The following DOCK5 variants were observed in gnomAD, a reference collection of about 807,000 sequenced individuals.
The protein encoded by DOCK5 is dedicator of cytokinesis 5, also known as dedicator of cytokinesis protein 5.
A neutral mutation model predicts 251.8 loss-of-function variants in DOCK5; 142 were observed. The ratio of observed to expected loss-of-function variants is 0.56; its 90% confidence interval spans 0.49 to 0.65. DOCK5 has a LOEUF of 0.65. Ranked by LOEUF, DOCK5 falls within the 30% of genes least tolerant of loss-of-function variation. The pLI is 0.00. For synonymous variants in DOCK5, 842 were observed against 835.5 expected, an observed-to-expected ratio of 1.01 and a Z score of -0.13; for missense variants, 2,111 against 2,312.3, an observed-to-expected ratio of 0.91 and a Z score of 1.79.
intron 1 of DOCK5, among the ~76,000 whole-genome samples, chr8:25,209,246 G>A (rs1420099737): frequency 4.4e-5 from 1 of 22,518 alleles, no homozygotes; most frequent in African/African-American, 7.0e-5. Context: ...GTTAGGAAGG[G>A]GAAAGTCATG....
intron 5 of DOCK5, among the ~76,000 whole-genome samples, chr8:25,285,760 C>T (rs1804316613): frequency 6.6e-6 from 1 of 152,184 alleles, no homozygotes; most frequent in Admixed American, 6.5e-5. Context: ...TTGAAACCAG[C>T]ATCTTATTCC....
chr8:25,263,217 C>T (rs1282793851), intron 2 of DOCK5, among the ~76,000 whole-genome samples: 1 of 61,512 alleles, frequency 1.6e-5, no homozygotes, highest in African/African-American at 6.6e-5. Flanking sequence ...GACCGTCTGT[C>T]CTCCTCCCTT....
At chr8:25,191,380 C>T (rs995875715) in intron 1 of DOCK5, among the ~76,000 whole-genome samples, 3 of 152,170 alleles carry the variant, frequency 2.0e-5, no homozygotes, top group Admixed American at 1.3e-4. Context: ...AACAAAGCCA[C>T]GCTTCCAAGT....
At position 25,410,158 on chromosome 8, in the gene DOCK5, C is replaced by G. The variant is rs748664904; in HGVS notation, c.5464C>G (p.Pro1822Ala). 1 of 1,613,700 alleles carries G rather than the reference C, an allele frequency of 6.2e-7. No homozygotes were observed. The highest frequency in any genetic ancestry group is 8.5e-7 in the Non-Finnish European group (1 of 1,179,822). ...CACTCCTGTCCCACCTCCACCTCCC[C>G]CCAAAAGCAAGCCCTATGAAGGCAG... is the stretch of plus-strand genomic sequence containing the variant. ...AATPVPPPPP[P>A]KSKPYEGSQR... Residue 1822 changes from proline to alanine, a missense_variant, in exon 51 of 52, where the codon CCC becomes GCC. Transcript: ENST00000276440.
At chr8:25,261,835 A>T (rs1277592291) in intron 2 of DOCK5, among the ~76,000 whole-genome samples, 1 of 152,188 alleles carries the variant, frequency 6.6e-6, no homozygotes, top group Non-Finnish European at 1.5e-5. Context: ...CTGTGAGTCA[A>T]CTTCATATCA....
At chr8:25,287,423 T>A (rs1804365266) in intron 5 of DOCK5, among the ~76,000 whole-genome samples, 1 of 148,424 alleles carries the variant, frequency 6.7e-6, no homozygotes, top group African/African-American at 2.5e-5. Context: ...GAGACTCCAT[T>A]AAAAAAAAAA....
rs1201632677 is a variant in DOCK5 at position 25,342,691 on chromosome 8, G to GTTTTTTTTTTTTTTTTTTTTTT, written c.2617+188_2617+209dup. Among the ~76,000 whole-genome samples, 15 of 72,070 alleles carry GTTTTTTTTTTTTTTTTTTTTTT rather than the reference G, an allele frequency of 2.1e-4. 2 individuals are homozygous for GTTTTTTTTTTTTTTTTTTTTTT. Among genetic ancestry groups the GTTTTTTTTTTTTTTTTTTTTTT allele is most frequent in the Admixed American group, 4.5e-4 (2 of 4,492 alleles). 47.3% of individuals were successfully genotyped at this position (72,070 alleles called of 152,430 possible). The stretch of plus-strand genomic sequence containing the variant: ...TTTTGTTGTTTGTTTGTTTTTTCTT[G>GTTTTTTTTTTTTTTTTTTTTTT]TTTTTTTTTTTTTTTTTTTTTTTTT... On this transcript the variant is annotated intron_variant, in intron 25 of 51. Coordinates refer to ENST00000276440, the MANE Select transcript of DOCK5 (RefSeq NM_024940.8).
chr8:25,375,083 C>G (rs779139086), intron 37 of DOCK5: 11 of 793,646 alleles, frequency 1.4e-5, no homozygotes, highest in Non-Finnish European at 1.4e-5. Context: ...TGTTATGAAT[C>G]CCAAGTAATT....
chr8:25,344,073 G>T (rs1202668731), intron 25 of DOCK5, among the ~76,000 whole-genome samples: 1 of 152,206 alleles, frequency 6.6e-6, no homozygotes, highest in Non-Finnish European at 1.5e-5. Flanking sequence ...CTCCCAGAGT[G>T]CTGGGATTAT....
chr8:25,200,026 A>G (rs1380034864), intron 1 of DOCK5, among the ~76,000 whole-genome samples: 1 of 152,236 alleles, frequency 6.6e-6, no homozygotes, highest in African/African-American at 2.4e-5. Context: ...GTGGTTATAT[A>G]TACTTTCAAT....
At chr8:25,237,122 T>A (rs1285558052) in intron 1 of DOCK5, among the ~76,000 whole-genome samples, 2 of 152,198 alleles carry the variant, frequency 1.3e-5, no homozygotes, top group Non-Finnish European at 1.5e-5. Context: ...ATCTGAGCAC[T>A]TTGGGAGGCC....
chr8:25,332,398 C>A lies in DOCK5; in HGVS notation c.2001+50C>A, dbSNP rs1373165130. On this transcript the variant is annotated intron_variant, in intron 19 of 51. Transcript: ENST00000276440. ...AAATACACATACCTACATATATATA[C>A]CTATCTAATTATACCTAATTGGTTC... is the stretch of plus-strand genomic sequence containing the variant. The A allele has an allele frequency of 5.6e-6, 8 of 1,425,400 alleles. No homozygotes were observed. In the East Asian group the frequency reaches 9.3e-5, roughly 16 times the overall value. 88.3% of individuals were successfully genotyped at this position (1,425,400 alleles called of 1,614,324 possible). A position where few individuals can be genotyped will look rare whatever the true frequency, so the allele number is the denominator to read the frequency against.
rs80354779 is a variant in DOCK5 at position 25,261,345 on chromosome 8, G to A, written c.128-7500G>A. ...TCTCCAATCTGCAGTTGAACTTCTGGAAATAGCAAAACTTGTTCAGAATGA... is the reference window on the plus strand; with the variant it reads ...TCTCCAATCTGCAGTTGAACTTCTGAAAATAGCAAAACTTGTTCAGAATGA... On this transcript the variant is annotated intron_variant, in intron 2 of 51. Coordinates refer to ENST00000276440, the MANE Select transcript of DOCK5 (RefSeq NM_024940.8). Among the ~76,000 whole-genome samples, 11 of 152,226 alleles carry A rather than the reference G, an allele frequency of 7.2e-5. No individual in the cohort carries two copies. The East Asian group carries it at 2.1e-3, about 29-fold the overall frequency.
chr8:25,237,045 T>G (rs771132674), intron 1 of DOCK5, among the ~76,000 whole-genome samples: 108 of 152,290 alleles, frequency 7.1e-4, no homozygotes, highest in Non-Finnish European at 1.1e-3. Context: ...AATTTGAGGA[T>G]TCATGTAATA....
chr8:25,194,473 C>T lies in DOCK5; in HGVS notation c.43+9522C>T, dbSNP rs79916801. Among the ~76,000 whole-genome samples the T allele has an allele frequency of 6.8e-3, 1,041 of 152,218 alleles. 7 individuals are homozygous for T. The highest frequency in any genetic ancestry group is 0.024 in the African/African-American group (986 of 41,520). On this transcript the variant is annotated intron_variant, in intron 1 of 51. Coordinates refer to ENST00000276440, the MANE Select transcript of DOCK5 (RefSeq NM_024940.8). Reference sequence around the variant, plus strand: ...CCCTCCATCCTCCCTGCCTTCCCTCCGCTTTGCCACAACTTTAAGTCTTGC... The same window carrying T: ...CCCTCCATCCTCCCTGCCTTCCCTCTGCTTTGCCACAACTTTAAGTCTTGC...
chr8:25,220,690 C>A (rs1802363930), intron 1 of DOCK5, among the ~76,000 whole-genome samples: 1 of 152,202 alleles, frequency 6.6e-6, no homozygotes, highest in Admixed American at 6.5e-5. Context: ...CGGCTCACTG[C>A]AACCTCCGCC....
At chr8:25,274,066 T>C (rs1803981778) in intron 3 of DOCK5, among the ~76,000 whole-genome samples, 1 of 152,292 alleles carries the variant, frequency 6.6e-6, no homozygotes, top group South Asian at 2.1e-4. Flanking sequence ...CAGTTTAATC[T>C]CAAATGTTCT....
intron 37 of DOCK5, chr8:25,376,041 G>T (rs1800956721): frequency 1.1e-6 from 1 of 946,550 alleles, no homozygotes. Flanking sequence ...GAGGTTTGCA[G>T]TATGCTGAGA....
chr8:25,354,039 AAAAAAAAAACAAAC>A lies in DOCK5; in HGVS notation c.2850+2223_2850+2236del, dbSNP rs1181751678. On this transcript the variant is annotated intron_variant, in intron 27 of 51. Coordinates refer to ENST00000276440, the MANE Select transcript of DOCK5 (RefSeq NM_024940.8). ...TGAGACTTTGTCTTAAAAAAAAAAAAAAAAAAAAACAAACAAAAAAAAAAACGTAGGAGAGAAAA... is the reference window on the plus strand; with the variant it reads ...TGAGACTTTGTCTTAAAAAAAAAAAAAAAAAAAAAAACGTAGGAGAGAAAA... 5.3e-4 allele frequency among the ~76,000 whole-genome samples: 53 copies of A among 100,590 alleles called. 1 individual carries two copies. Among genetic ancestry groups the A allele is most frequent in the African/African-American group, 1.7e-3 (51 of 30,028 alleles). 66.0% of individuals were successfully genotyped at this position (100,590 alleles called of 152,430 possible).
Sources: gnomAD v4.1 joint callset for allele counts (sites outside exome capture counted in the v4.1 genomes callset) on GRCh38, gnomAD v4.1.1 for gene constraint, MANE v1.5 for transcripts, NCBI Gene and HGNC (gene_info 2026-07-23, HGNC 2026-07-21) for gene names.